PCNX1: variants seen among roughly 807,000 people sequenced by gnomAD.
PCNX1 encodes the protein pecanex-like protein 1.
A neutral mutation model predicts 242.2 loss-of-function variants in PCNX1; 78 were observed. The ratio of observed to expected loss-of-function variants is 0.32; its 90% CI spans 0.27 to 0.39. PCNX1 has a LOEUF of 0.39. Ranked by LOEUF, PCNX1 falls within the 10% of genes least tolerant of loss-of-function variation. PCNX1 has a pLI of 1.00. For synonymous variants in PCNX1, 1,024 were observed against 1,032.9 expected, an observed-to-expected ratio of 0.99 and a Z score of 0.17; for missense variants, 2,581 against 2,856.5, an observed-to-expected ratio of 0.90 and a Z score of 2.20.
In PCNX1 at chr14:71,067,096, G is replaced by C. The variant is rs575533313; in HGVS notation, c.4853-6449G>C. Among the ~76,000 whole-genome samples, 11 of 151,950 alleles carry C rather than the reference G, an allele frequency of 7.2e-5. No individual in the cohort carries two copies. In the East Asian group the frequency reaches 1.4e-3, roughly 19 times the overall value. On this transcript the variant is annotated intron_variant, in intron 26 of 35. Coordinates refer to ENST00000304743, the MANE Select transcript of PCNX1 (RefSeq NM_014982.3). ...TTTTTTTTTTTTAATGTCTCTGCCA[G>C]GTTTTGGTATCAGGATGATGCTGGC... is the stretch of plus-strand genomic sequence containing the variant.
chr14:71,106,072 G>C (rs990844584), intron 33 of PCNX1, among the ~76,000 whole-genome samples: 4 of 151,726 alleles, frequency 2.6e-5, no homozygotes, highest in African/African-American at 9.7e-5. Flanking sequence ...GGAGTGCAGT[G>C]GTGCCATCTC....
chr14:71,005,936 T>C (rs1415220338), intron 8 of PCNX1, among the ~76,000 whole-genome samples: 1 of 151,714 alleles, frequency 6.6e-6, no homozygotes, highest in Non-Finnish European at 1.5e-5. Context: ...TTTTTTTTTT[T>C]TTTTGAGACA....
intron 1 of PCNX1, among the ~76,000 whole-genome samples, chr14:70,920,528 T>G (rs2056337102): frequency 6.6e-6 from 1 of 152,222 alleles, no homozygotes; most frequent in African/African-American, 2.4e-5. Flanking sequence ...GTATTCTGAA[T>G]ATTTTTGAAT....
intron 1 of PCNX1, among the ~76,000 whole-genome samples, chr14:70,918,232 A>G (rs1195846916): frequency 1.3e-5 from 2 of 152,188 alleles, no homozygotes; most frequent in Non-Finnish European, 2.9e-5. Flanking sequence ...TGCATTCAGA[A>G]CTTGACTTTT....
At position 70,982,916 on chromosome 14, in the gene PCNX1, T is replaced by C. The variant is rs1260918162; in HGVS notation, c.2311+4268T>C. Among the ~76,000 whole-genome samples the C allele has an allele frequency of 2.0e-5, 3 of 152,234 alleles. No homozygotes were observed. The East Asian group carries it at 5.8e-4, about 29-fold the overall frequency. Reference sequence around the variant, plus strand: ...CTGTAAAACAGGAATAATAACCGTCTAGACCTGTCTCACAGTTAACTGTCA... The same window carrying C: ...CTGTAAAACAGGAATAATAACCGTCCAGACCTGTCTCACAGTTAACTGTCA... On this transcript the variant is annotated intron_variant, in intron 6 of 35. Transcript: ENST00000304743.
intron 11 of PCNX1, among the ~76,000 whole-genome samples, chr14:71,017,974 C>T (rs1417833952): frequency 1.3e-5 from 2 of 152,092 alleles, no homozygotes; most frequent in African/African-American, 4.8e-5. Context: ...AAAGTAATTC[C>T]TTACCTATTG....
chr14:71,026,197 T>C lies in PCNX1; in HGVS notation c.3264T>C (p.Gly1088=), dbSNP rs763204566. 1.2e-6 allele frequency: 2 copies of C among 1,611,504 alleles called. No homozygotes were observed. Among genetic ancestry groups the C allele is most frequent in the Non-Finnish European group, 1.7e-6 (2 of 1,178,164 alleles). ...CCGLIWLLDY[G]SRNLTATKFK... The stretch of plus-strand genomic sequence containing the variant: ...GTCTTATTTGGCTCTTGGATTATGG[T>C]AGCAGAAACCTGACTGCAACCAAGT... The change falls in exon 14 of 36, where the codon GGT becomes GGC. Residue 1088 remains glycine (G), a synonymous_variant. Coordinates refer to ENST00000304743, the MANE Select transcript of PCNX1 (RefSeq NM_014982.3).
rs1382880119 is a variant in PCNX1 at position 71,112,531 on chromosome 14, A to T, written c.*2596A>T. 1 of 152,132 alleles carries T rather than the reference A, an allele frequency of 6.6e-6. No homozygotes were observed. The highest frequency in any genetic ancestry group is 1.5e-5 in the Non-Finnish European group (1 of 67,954). The allele number at this position is 152,132 out of a possible 1,614,324, so 9.4% of individuals were successfully genotyped here. ...GGGAATTGGTGATAATTGAAGAAAGATCCATTTCTTAAGAATAATTTGATC... is the reference window on the plus strand; with the variant it reads ...GGGAATTGGTGATAATTGAAGAAAGTTCCATTTCTTAAGAATAATTTGATC... On this transcript the variant is annotated 3_prime_UTR_variant, in exon 36 of 36. Transcript: ENST00000304743.
In PCNX1 at chr14:71,009,707, A is replaced by G. The variant is rs2059768173; in HGVS notation, c.2703A>G (p.Arg901=). ...MSLVNFEPAA[R]RASNICDTDS... is the part of the protein sequence containing the mutation. Reference sequence around the variant, plus strand: ...TTGTGAATTTTGAACCAGCAGCAAGAAGAGCATCCAATATCTGGTATGTGT... The same window carrying G: ...TTGTGAATTTTGAACCAGCAGCAAGGAGAGCATCCAATATCTGGTATGTGT... The change falls in exon 9 of 36, where the codon AGA becomes AGG. Residue 901 remains arginine (R), a synonymous_variant. Coordinates refer to ENST00000304743, the MANE Select transcript of PCNX1 (RefSeq NM_014982.3). 8.1e-6 allele frequency: 13 copies of G among 1,596,126 alleles called. No individual in the cohort carries two copies. Among genetic ancestry groups the G allele is most frequent in the Non-Finnish European group, 1.0e-5 (12 of 1,165,942 alleles).
In PCNX1 at chr14:71,110,079, C is replaced by T. The variant is rs1331061887; in HGVS notation, c.*144C>T. ...AAAATAGAATGAGCTTGGTTAAGCA[C>T]CTCTCCTTTGCCCTTCACCCTGACT... On this transcript the variant is annotated 3_prime_UTR_variant, in exon 36 of 36. Coordinates refer to ENST00000304743, the MANE Select transcript of PCNX1 (RefSeq NM_014982.3). 1 of 762,904 alleles carries T rather than the reference C, an allele frequency of 1.3e-6. No homozygotes were observed. The highest frequency in any genetic ancestry group is 2.3e-6 in the Non-Finnish European group (1 of 434,040). The allele number at this position is 762,904 out of a possible 1,614,324, so 47.3% of individuals were successfully genotyped here.
At chr14:70,945,490 C>T (rs2526859) in intron 1 of PCNX1, among the ~76,000 whole-genome samples, 72,874 of 151,428 alleles carry the variant, frequency 0.48, 18,219 homozygotes, top group Non-Finnish European at 0.56. Context: ...CCTATTATGC[C>T]GACACTCAAC....
intron 1 of PCNX1, among the ~76,000 whole-genome samples, chr14:70,920,226 T>G (rs920229292): frequency 6.6e-6 from 1 of 152,216 alleles, no homozygotes; most frequent in Non-Finnish European, 1.5e-5. Context: ...AAATGTTACA[T>G]AACCATGGTT....
In PCNX1 at chr14:71,040,654, A is replaced by G. The variant is rs192121734; in HGVS notation, c.3868-4479A>G. ...TAATTACATGGTAAATGGGGTATTC[A>G]TCCCCTCAAGCATTTGTTCTTTGTG... On this transcript the variant is annotated intron_variant, in intron 19 of 35. Coordinates refer to ENST00000304743, the MANE Select transcript of PCNX1 (RefSeq NM_014982.3). Among the ~76,000 whole-genome samples the G allele has an allele frequency of 8.2e-4, 125 of 152,212 alleles. 2 individuals carry two copies. In the Middle Eastern group the frequency reaches 0.024, roughly 29 times the overall value.
At chr14:71,028,882 T>C in intron 16 of PCNX1, 91 bp downstream of exon 16, 1 of 681,730 alleles carries the variant, frequency 1.5e-6, no homozygotes, top group Non-Finnish European at 2.5e-6. Flanking sequence ...TTTCTTCCCC[T>C]GGTATCGCTT....
Position 71,060,645 on chromosome 14 carries a change from A to G in PCNX1, c.4852+2921A>G, listed in dbSNP as rs955259468. 3.9e-5 allele frequency: 6 copies of G among 152,346 alleles called. No homozygotes were observed. In the East Asian group the frequency reaches 9.6e-4, roughly 24 times the overall value. The allele number at this position is 152,346 out of a possible 1,614,324, so 9.4% of individuals were successfully genotyped here. On this transcript the variant is annotated intron_variant, in intron 26 of 35. Coordinates refer to ENST00000304743, the MANE Select transcript of PCNX1 (RefSeq NM_014982.3). ...AAATCAGCAATGGTTGTTGTCAGGT[A>G]ATTATGTCCCATTCCACCATAGCTG...
At chr14:71,056,452 GA>G (rs1191780624) in intron 25 of PCNX1, among the ~76,000 whole-genome samples, 2 of 152,138 alleles carry the variant, frequency 1.3e-5, no homozygotes, top group African/African-American at 4.8e-5. Flanking sequence ...GTGTTGTGCT[GA>G]CATAGAATTG....
chr14:71,023,959 C>T (rs1414713934), intron 13 of PCNX1, among the ~76,000 whole-genome samples: 1 of 151,944 alleles, frequency 6.6e-6, no homozygotes, highest in African/African-American at 2.4e-5. Flanking sequence ...TGACTGATTA[C>T]TGTTTTGTAA....
In PCNX1 at chr14:70,969,018, T is replaced by C; in HGVS notation, c.515-3T>C. On this transcript the variant is annotated splice_region_variant and splice_polypyrimidine_tract_variant and intron_variant, in intron 4 of 35. Coordinates refer to ENST00000304743, the MANE Select transcript of PCNX1 (RefSeq NM_014982.3). ...TCCTCACATGTTTCTCTTAACTTTG[T>C]AGGAGATACAGACACTGCTAAGACT... 6.4e-7 allele frequency: 1 copy of C among 1,574,636 alleles called. No individual in the cohort carries two copies. Among genetic ancestry groups the C allele is most frequent in the Non-Finnish European group, 8.7e-7 (1 of 1,144,244 alleles).
chr14:71,062,514 A>T (rs866018968), intron 26 of PCNX1, among the ~76,000 whole-genome samples: 44 of 152,070 alleles, frequency 2.9e-4, no homozygotes, highest in Non-Finnish European at 4.1e-4. Flanking sequence ...AAAAAATTTT[A>T]AAAAAGCTTA....
Sources: allele counts gnomAD v4.1 joint callset (sites outside exome capture counted in the v4.1 genomes callset), GRCh38; gene constraint gnomAD v4.1.1; transcripts MANE v1.5; gene names NCBI Gene and HGNC (gene_info 2026-07-23, HGNC 2026-07-21).